PHACTR3: variants seen among roughly 807,000 people sequenced by gnomAD.
PHACTR3 encodes the protein phosphatase and actin regulator 3, also known as protein phosphatase 1, regulatory subunit 123.
A neutral mutation model predicts 66.8 loss-of-function variants in PHACTR3; 16 were observed. The ratio of observed to expected loss-of-function variants is 0.24; its 90% confidence interval spans 0.16 to 0.36. PHACTR3 has a LOEUF of 0.36. Ranked by LOEUF, PHACTR3 falls within the 10% of genes least tolerant of loss-of-function variation. PHACTR3 has a pLI of 1.00. For missense variants in PHACTR3, 647 were observed against 719.9 expected, an observed-to-expected ratio of 0.90 and a Z score of 1.16; for synonymous variants, 323 against 292.1, an observed-to-expected ratio of 1.11 and a Z score of -1.08.
chr20:59,623,730 G>T (rs1463468936), intron 1 of PHACTR3, among the ~76,000 whole-genome samples: 1 of 152,326 alleles, frequency 6.6e-6, no homozygotes, highest in East Asian at 1.9e-4. Flanking sequence ...AGCGGATGTG[G>T]TGGCCATGTG....
chr20:59,631,298 C>T (rs796603957), intron 1 of PHACTR3, among the ~76,000 whole-genome samples: 30 of 152,262 alleles, frequency 2.0e-4, no homozygotes, highest in African/African-American at 2.9e-4. Context: ...TGGATTCTGA[C>T]GCTTGGGTAG....
chr20:59,842,346 C>T (rs1342080616), intron 11 of PHACTR3, among the ~76,000 whole-genome samples: 1 of 152,204 alleles, frequency 6.6e-6, no homozygotes, highest in Non-Finnish European at 1.5e-5. Flanking sequence ...CTTCATTCTT[C>T]ATATGCTGAG....
intron 4 of PHACTR3, among the ~76,000 whole-genome samples, chr20:59,760,183 G>A (rs1652133218): frequency 6.6e-6 from 1 of 152,200 alleles, no homozygotes; most frequent in African/African-American, 2.4e-5. Flanking sequence ...CATGATGAGT[G>A]TGGGTGTCAG....
Position 59,620,583 on chromosome 20 carries a change from G to A in PHACTR3, c.118+15451G>A, listed in dbSNP as rs111245920. Among the ~76,000 whole-genome samples the A allele has an allele frequency of 9.0e-3, 1,375 of 152,286 alleles. 33 individuals are homozygous for A. The highest frequency in any genetic ancestry group is 0.031 in the African/African-American group (1,286 of 41,560). On this transcript the variant is annotated intron_variant, in intron 1 of 12. Coordinates refer to ENST00000371015, the MANE Select transcript of PHACTR3 (RefSeq NM_080672.5). ...CCTTCTTTTTAAATCGAGTATATGC[G>A]TTTTTGGCACAAATCCCCCATAAGC...
chr20:59,672,559 C>T (rs1010417340), intron 1 of PHACTR3, among the ~76,000 whole-genome samples: 1 of 152,174 alleles, frequency 6.6e-6, no homozygotes, highest in Non-Finnish European at 1.5e-5. Context: ...GTTTCCTCAT[C>T]TGGGCATCAA....
chr20:59,616,490 G>T (rs1035152752), intron 1 of PHACTR3, among the ~76,000 whole-genome samples: 2 of 152,232 alleles, frequency 1.3e-5, no homozygotes, highest in African/African-American at 4.8e-5. Context: ...CCCTGGAGCT[G>T]GTTCAGGAGA....
In PHACTR3 at chr20:59,799,296, G is replaced by T. The variant is rs182714306; in HGVS notation, c.1175-6745G>T. Reference sequence around the variant, plus strand: ...TGCTTTATAAGTGTTAGATCAAATTGGTCGATAATGTCATTCATGTCTTCA... The same window carrying T: ...TGCTTTATAAGTGTTAGATCAAATTTGTCGATAATGTCATTCATGTCTTCA... On this transcript the variant is annotated intron_variant, in intron 7 of 12. Coordinates refer to ENST00000371015, the MANE Select transcript of PHACTR3 (RefSeq NM_080672.5). Among the ~76,000 whole-genome samples the T allele has an allele frequency of 1.2e-4, 19 of 152,150 alleles. No homozygotes were observed. In the East Asian group the frequency reaches 1.9e-3, roughly 15 times the overall value.
At chr20:59,719,407 C>T (rs1343167822) in intron 1 of PHACTR3, among the ~76,000 whole-genome samples, 4 of 152,172 alleles carry the variant, frequency 2.6e-5, no homozygotes, top group Non-Finnish European at 5.9e-5. Context: ...TTGTGATCCA[C>T]CCACCTCGGC....
intron 1 of PHACTR3, among the ~76,000 whole-genome samples, chr20:59,660,192 A>C (rs2146474057): frequency 6.6e-6 from 1 of 152,326 alleles, no homozygotes; most frequent in Admixed American, 6.5e-5. Flanking sequence ...AACAGTATCC[A>C]GTGGTTAAAA....
At chr20:59,690,143 C>G (rs2037057851) in intron 1 of PHACTR3, among the ~76,000 whole-genome samples, 1 of 152,218 alleles carries the variant, frequency 6.6e-6, no homozygotes, top group African/African-American at 2.4e-5. Context: ...CAAGCCCCCT[C>G]CTGCACCTCT....
chr20:59,843,091 A>G (rs1200603536), intron 11 of PHACTR3, among the ~76,000 whole-genome samples: 1 of 152,098 alleles, frequency 6.6e-6, no homozygotes, highest in Admixed American at 6.6e-5. Context: ...ACTAGCTAAG[A>G]AAGAAATCAA....
At chr20:59,834,867 A>G (rs934724153) in intron 8 of PHACTR3, among the ~76,000 whole-genome samples, 1 of 152,200 alleles carries the variant, frequency 6.6e-6, no homozygotes, top group Non-Finnish European at 1.5e-5. Flanking sequence ...CCTGGGCCAC[A>G]CTGGAAGAAT....
intron 1 of PHACTR3, among the ~76,000 whole-genome samples, chr20:59,619,325 C>T (rs6064817): frequency 0.46 from 70,300 of 151,780 alleles, 16,641 homozygotes; most frequent in Non-Finnish European, 0.51. Context: ...AGGATGGAAG[C>T]GGGGGATGCT....
chr20:59,663,093 G>A (rs1442754316), intron 1 of PHACTR3, among the ~76,000 whole-genome samples: 1 of 152,236 alleles, frequency 6.6e-6, no homozygotes, highest in East Asian at 1.9e-4. Context: ...GGCTGCAGCC[G>A]TGTCACCGCA....
At chr20:59,605,204 G>C in intron 1 of PHACTR3, 72 bp downstream of exon 1, 3 of 1,058,066 alleles carry the variant, frequency 2.8e-6, no homozygotes, top group Non-Finnish European at 3.7e-6. Context: ...GCAGGACCCC[G>C]CGAGGCTCCG....
chr20:59,834,698 G>C (rs926037985), intron 8 of PHACTR3, among the ~76,000 whole-genome samples: 1 of 152,118 alleles, frequency 6.6e-6, no homozygotes, highest in African/African-American at 2.4e-5. Context: ...GGGTCTCAGC[G>C]AAATGTATCT....
intron 3 of PHACTR3, among the ~76,000 whole-genome samples, chr20:59,754,934 T>A (rs531612914): frequency 6.6e-6 from 1 of 152,100 alleles, no homozygotes; most frequent in South Asian, 2.1e-4. Flanking sequence ...CCCACAGGTG[T>A]CGGAGGAAGA....
At position 59,583,120 on chromosome 20, in the gene PHACTR3, G is replaced by C. The variant is rs1160116431; in HGVS notation, c.109+5503G>C. The stretch of plus-strand genomic sequence containing the variant: ...AACACATCCCTCTGCGTCTCCTTTT[G>C]AGGCTTGTATAGCTTTTTCTTTGCA... On this transcript the variant is annotated intron_variant, in intron 1 of 12. Coordinates refer to the PHACTR3 transcript ENST00000359926. 2.0e-5 allele frequency among the ~76,000 whole-genome samples: 3 copies of C among 152,112 alleles called. No homozygotes were observed. The East Asian group carries it at 5.8e-4, about 29-fold the overall frequency.
At chr20:59,593,649 A>G (rs1400711614) in intron 1 of PHACTR3, among the ~76,000 whole-genome samples, 1 of 152,124 alleles carries the variant, frequency 6.6e-6, no homozygotes, top group African/African-American at 2.4e-5. Flanking sequence ...ATTTAGTTCT[A>G]TGATATATTT....
Sources: gnomAD v4.1 joint callset for allele counts (sites outside exome capture counted in the v4.1 genomes callset) on GRCh38, gnomAD v4.1.1 for gene constraint, MANE v1.5 for transcripts, NCBI Gene and HGNC (gene_info 2026-07-23, HGNC 2026-07-21) for gene names.